Variants in CNTNAP2 observed in about 807,000 individuals in gnomAD.
CNTNAP2 encodes contactin associated protein 2.
A neutral mutation model predicts 155.2 loss-of-function variants in CNTNAP2; 98 were observed. The observed-to-expected ratio is 0.63, with a 90% CI of 0.54 to 0.75. The LOEUF (loss-of-function observed/expected upper bound fraction) is 0.75, where lower values mean the gene tolerates loss of function less well. Ranked by LOEUF, CNTNAP2 falls within the 30% of genes least tolerant of loss-of-function variation. CNTNAP2 has a pLI of 0.00. For missense variants in CNTNAP2, 1,727 were observed against 1,688.1 expected, an observed-to-expected ratio of 1.02 and a Z score of -0.40; for synonymous variants, 651 against 631.2, an observed-to-expected ratio of 1.03 and a Z score of -0.47.
At chr7:146,968,225 C>A (rs370824074) in intron 3 of CNTNAP2, among the ~76,000 whole-genome samples, 2,157 of 147,894 alleles carry the variant, frequency 0.015, 34 homozygotes, top group African/African-American at 0.051. Flanking sequence ...TATTTTATTG[C>A]GGATTTTTGC....
intron 13 of CNTNAP2, among the ~76,000 whole-genome samples, chr7:147,810,778 T>A (rs180858663): frequency 3.9e-4 from 59 of 152,336 alleles, no homozygotes; most frequent in African/African-American, 1.3e-3. Flanking sequence ...ATTTCGTTTT[T>A]AATTTATTTG....
chr7:146,518,926 A>G (rs1396152083), intron 1 of CNTNAP2, among the ~76,000 whole-genome samples: 3 of 151,960 alleles, frequency 2.0e-5, no homozygotes, highest in South Asian at 2.1e-4. Flanking sequence ...TTCCTTCTGC[A>G]TGGAATGACT....
chr7:147,714,173 T>C (rs1563062336), intron 13 of CNTNAP2, among the ~76,000 whole-genome samples: 1 of 152,088 alleles, frequency 6.6e-6, no homozygotes, highest in Non-Finnish European at 1.5e-5. Context: ...CAAACAGTGC[T>C]GACTTGTGAC....
At position 146,250,585 on chromosome 7, in the gene CNTNAP2, C is replaced by CT. The variant is rs202118101; in HGVS notation, c.97+133614dup. On this transcript the variant is annotated intron_variant, in intron 1 of 23. Transcript: ENST00000361727. The stretch of plus-strand genomic sequence containing the variant: ...CCTTCAACCTGTCCCATGACTTCTG[C>CT]TTACCCGTGGCCATGGTGTCTACTG... Among the ~76,000 whole-genome samples, 20 of 152,268 alleles carry CT rather than the reference C, an allele frequency of 1.3e-4. No homozygotes were observed. The East Asian group carries it at 3.9e-3, about 29-fold the overall frequency.
At chr7:146,238,669 T>C (rs990942119) in intron 1 of CNTNAP2, among the ~76,000 whole-genome samples, 8 of 152,166 alleles carry the variant, frequency 5.3e-5, no homozygotes, top group African/African-American at 1.7e-4. Context: ...GCTGTAGTAG[T>C]CCAGTCTCAC....
chr7:146,908,107 T>A (rs1395891861), intron 3 of CNTNAP2, among the ~76,000 whole-genome samples: 1 of 152,110 alleles, frequency 6.6e-6, no homozygotes, highest in Admixed American at 6.5e-5. Context: ...CTAACTATCC[T>A]AAATATATAT....
At chr7:148,277,460 T>C (rs954845226) in intron 21 of CNTNAP2, among the ~76,000 whole-genome samples, 3 of 152,088 alleles carry the variant, frequency 2.0e-5, no homozygotes, top group African/African-American at 4.8e-5. Flanking sequence ...TATCAAGCAG[T>C]GAGGGCTTTC....
intron 15 of CNTNAP2, among the ~76,000 whole-genome samples, chr7:148,106,221 G>C (rs913929854): frequency 2.0e-5 from 3 of 152,122 alleles, no homozygotes; most frequent in African/African-American, 7.2e-5. Context: ...CAGATATTTA[G>C]AGTTAGATCT....
intron 10 of CNTNAP2, among the ~76,000 whole-genome samples, chr7:147,473,950 A>G (rs1401819952): frequency 2.0e-5 from 3 of 152,032 alleles, no homozygotes; most frequent in Non-Finnish European, 4.4e-5. Context: ...GTGGTGGCAC[A>G]TGCCTGTAAT....
intron 15 of CNTNAP2, among the ~76,000 whole-genome samples, chr7:148,039,248 C>G (rs1802625839): frequency 2.0e-5 from 3 of 152,190 alleles, no homozygotes; most frequent in Admixed American, 6.5e-5. Flanking sequence ...AAAGGCCAGA[C>G]AGCCTGGAGT....
chr7:147,504,329 T>C (rs1798868621), intron 11 of CNTNAP2, among the ~76,000 whole-genome samples: 1 of 152,120 alleles, frequency 6.6e-6, no homozygotes, highest in Admixed American at 6.6e-5. Context: ...AACCTAGGGC[T>C]CCCAAGGGGT....
intron 2 of CNTNAP2, among the ~76,000 whole-genome samples, chr7:146,780,521 A>C (rs1450866216): frequency 6.6e-6 from 1 of 151,942 alleles, no homozygotes. Context: ...CACCATTCTA[A>C]CTGGTGTGAA....
intron 3 of CNTNAP2, among the ~76,000 whole-genome samples, chr7:146,904,069 A>T (rs540480774): frequency 2.0e-5 from 3 of 152,302 alleles, no homozygotes; most frequent in Non-Finnish European, 4.4e-5. Flanking sequence ...ACAACCCTTC[A>T]TTGCTTTCCA....
intron 1 of CNTNAP2, among the ~76,000 whole-genome samples, chr7:146,243,554 A>G (rs149330732): frequency 6.6e-6 from 1 of 152,326 alleles, no homozygotes; most frequent in East Asian, 1.9e-4. Context: ...GGTTTGTTGT[A>G]TAGTGTTTAC....
At chr7:147,675,048 T>C (rs1203489874) in intron 13 of CNTNAP2, among the ~76,000 whole-genome samples, 1 of 152,052 alleles carries the variant, frequency 6.6e-6, no homozygotes, top group African/African-American at 2.4e-5. Flanking sequence ...TCAGCAGTTC[T>C]AGAAGCCAGA....
chr7:148,101,463 G>A (rs183626010), intron 15 of CNTNAP2, among the ~76,000 whole-genome samples: 32 of 151,812 alleles, frequency 2.1e-4, no homozygotes, highest in Admixed American at 1.6e-3. Context: ...GCAATAAAGC[G>A]ACCATTCTCC....
At chr7:148,369,638 T>TTTA (rs1294835972) in intron 21 of CNTNAP2, among the ~76,000 whole-genome samples, 17 of 120,392 alleles carry the variant, frequency 1.4e-4, no homozygotes, top group African/African-American at 2.6e-4. Flanking sequence ...GTTGCTGTTC[T>TTTA]TTATCATTAT....
intron 10 of CNTNAP2, among the ~76,000 whole-genome samples, chr7:147,485,481 T>C (rs1798494118): frequency 6.6e-6 from 1 of 152,194 alleles, no homozygotes; most frequent in South Asian, 2.1e-4. Flanking sequence ...ATTGCTGTTA[T>C]CATGACGTTA....
chr7:148,073,522 TTAG>T (rs1270781859), intron 15 of CNTNAP2, among the ~76,000 whole-genome samples: 1 of 152,238 alleles, frequency 6.6e-6, no homozygotes, highest in African/African-American at 2.4e-5. Context: ...CCTGAGTCAC[TTAG>T]TAGACTTCTG....
Sources: gnomAD v4.1 joint callset for allele counts (sites outside exome capture counted in the v4.1 genomes callset) on GRCh38, gnomAD v4.1.1 for gene constraint, MANE v1.5 for transcripts, NCBI Gene and HGNC (gene_info 2026-07-23, HGNC 2026-07-21) for gene names.